Variants in DPP6 observed in about 807,000 individuals in gnomAD.
The protein encoded by DPP6 is dipeptidyl peptidase like 6.
DPP6 carries 69 observed loss-of-function variants against 122.6 expected under a neutral mutation model. The observed-to-expected ratio is 0.56, with a 90% CI of 0.46 to 0.69. The LOEUF (loss-of-function observed/expected upper bound fraction) is 0.69, where lower values mean the gene tolerates loss of function less well. Ranked by LOEUF, DPP6 falls within the 30% of genes least tolerant of loss-of-function variation. DPP6 has a pLI of 0.00. For synonymous variants in DPP6, 418 were observed against 433.1 expected, an observed-to-expected ratio of 0.97 and a Z score of 0.43; for missense variants, 928 against 1,116.9, an observed-to-expected ratio of 0.83 and a Z score of 2.41.
intron 1 of DPP6, among the ~76,000 whole-genome samples, chr7:154,227,053 G>A (rs1800646424): frequency 1.3e-5 from 2 of 152,130 alleles, no homozygotes; most frequent in African/African-American, 4.8e-5. Flanking sequence ...ATTACAATAT[G>A]TTCCAATAAT....
At chr7:154,448,578 C>T (rs1422050934) in intron 2 of DPP6, among the ~76,000 whole-genome samples, 1 of 152,112 alleles carries the variant, frequency 6.6e-6, no homozygotes, top group Non-Finnish European at 1.5e-5. Context: ...CAAGTTGATT[C>T]TGAAATTCAT....
At chr7:154,438,234 A>G (rs924350519) in intron 1 of DPP6, among the ~76,000 whole-genome samples, 22 of 152,058 alleles carry the variant, frequency 1.4e-4, no homozygotes, top group East Asian at 5.8e-4. Context: ...TTGGGAGGCC[A>G]AGGAGGGTGG....
At chr7:154,583,328 G>A (rs1329730926) in intron 5 of DPP6, among the ~76,000 whole-genome samples, 3 of 152,180 alleles carry the variant, frequency 2.0e-5, no homozygotes, top group African/African-American at 7.2e-5. Flanking sequence ...TTCGGTCTAT[G>A]TGCCAATCTC....
At chr7:154,205,077 T>C (rs181760713) in intron 1 of DPP6, among the ~76,000 whole-genome samples, 6 of 152,334 alleles carry the variant, frequency 3.9e-5, no homozygotes, top group African/African-American at 1.4e-4. Context: ...ATTGCTGATA[T>C]TATTTCTCTC....
intron 16 of DPP6, among the ~76,000 whole-genome samples, chr7:154,838,230 G>A (rs778882809): frequency 1.3e-5 from 2 of 152,222 alleles, no homozygotes; most frequent in Non-Finnish European, 2.9e-5. Flanking sequence ...AATGTTTTTA[G>A]ATTCACAGAA....
At chr7:154,745,268 GAGTCA>G (rs946382597) in intron 8 of DPP6, among the ~76,000 whole-genome samples, 19 of 152,172 alleles carry the variant, frequency 1.2e-4, no homozygotes, top group African/African-American at 4.1e-4. Flanking sequence ...ATCACACCTG[GAGTCA>G]AGTCAAGGCT....
intron 8 of DPP6, among the ~76,000 whole-genome samples, chr7:154,761,045 G>C (rs1389175313): frequency 6.6e-6 from 1 of 152,110 alleles, no homozygotes; most frequent in Admixed American, 6.5e-5. Flanking sequence ...ATGTTGACCA[G>C]GCTGGTCTCA....
At chr7:154,174,129 G>T (rs1585551550) in intron 1 of DPP6, among the ~76,000 whole-genome samples, 1 of 152,166 alleles carries the variant, frequency 6.6e-6, no homozygotes, top group Non-Finnish European at 1.5e-5. Flanking sequence ...GAGTGAGTTG[G>T]TTATGACCGG....
intron 16 of DPP6, among the ~76,000 whole-genome samples, chr7:154,822,095 T>C (rs1051005452): frequency 2.6e-5 from 4 of 152,102 alleles, no homozygotes; most frequent in Admixed American, 2.0e-4. Context: ...TCCCTGGGGC[T>C]CTGAGGGCAT....
the DPP6 span, among the ~76,000 whole-genome samples, chr7:153,764,927 ACT>A: frequency 1.3e-5 from 2 of 151,812 alleles, no homozygotes; most frequent in Non-Finnish European, 2.9e-5. Context: ...TGCTTGAAAG[ACT>A]CTCTGTTCTC....
At chr7:154,694,696 T>C (rs1840116864) in intron 7 of DPP6, among the ~76,000 whole-genome samples, 1 of 152,146 alleles carries the variant, frequency 6.6e-6, no homozygotes, top group Non-Finnish European at 1.5e-5. Context: ...CAATCCTTGA[T>C]GTAAGTGATG....
chr7:154,297,876 A>G (rs1805643745), intron 1 of DPP6, among the ~76,000 whole-genome samples: 2 of 152,122 alleles, frequency 1.3e-5, no homozygotes, highest in South Asian at 4.1e-4. Context: ...ACGCTGACAG[A>G]TGCTGCGACG....
At chr7:154,866,188 C>G (rs1803860860) in intron 17 of DPP6, among the ~76,000 whole-genome samples, 1 of 152,202 alleles carries the variant, frequency 6.6e-6, no homozygotes, top group Admixed American at 6.5e-5. Flanking sequence ...TTGGGAAATG[C>G]TGTTCTCTTC....
intron 3 of DPP6, among the ~76,000 whole-genome samples, chr7:154,520,427 A>G (rs1021323033): frequency 6.6e-6 from 1 of 152,268 alleles, no homozygotes; most frequent in South Asian, 2.1e-4. Context: ...TCTGCTTTAG[A>G]GGTTGCACTG....
Position 154,892,823 on chromosome 7 carries a change from T to G in DPP6, c.*343T>G. ...AGCCCACAGGACACCGGCCCCTAGA[T>G]TCCAGCCACCAAGCGGAAGCATGAG... On this transcript the variant is annotated 3_prime_UTR_variant, in exon 26 of 26. Transcript: ENST00000377770. The G allele has an allele frequency of 1.8e-6, 1 of 554,336 alleles. No individual in the cohort carries two copies. Among genetic ancestry groups the G allele is most frequent in the Non-Finnish European group, 3.5e-6 (1 of 283,766 alleles). The allele number at this position is 554,336 out of a possible 1,614,324, so 34.3% of individuals were successfully genotyped here. A position where few individuals can be genotyped will look rare whatever the true frequency, so the allele number is the denominator to read the frequency against.
At chr7:154,660,081 A>G (rs372772570) in intron 6 of DPP6, among the ~76,000 whole-genome samples, 4 of 152,190 alleles carry the variant, frequency 2.6e-5, no homozygotes, top group East Asian at 3.8e-4. Flanking sequence ...TGGTGAGGGA[A>G]GGGAAATGCA....
rs1425680410 is a variant in DPP6 at position 153,915,758 on chromosome 7, G to A, written c.51+28024G>A. On this transcript the variant is annotated intron_variant, in intron 1 of 25. Coordinates refer to the DPP6 transcript ENST00000404039. ...ATCCCATGCTGCATGGGTGTGAAAG[G>A]TTCTGATGCTACTCTTTGTATTTTT... 2.0e-5 allele frequency among the ~76,000 whole-genome samples: 3 copies of A among 152,110 alleles called. No individual in the cohort carries two copies. In the South Asian group the frequency reaches 6.2e-4, roughly 31 times the overall value.
intron 1 of DPP6, among the ~76,000 whole-genome samples, chr7:154,299,792 C>G (rs1805783714): frequency 6.6e-6 from 1 of 152,178 alleles, no homozygotes; most frequent in Non-Finnish European, 1.5e-5. Flanking sequence ...TAAACACTTG[C>G]TGATTAAATG....
At chr7:154,841,356 A>G (rs1801529439) in intron 16 of DPP6, among the ~76,000 whole-genome samples, 1 of 138,604 alleles carries the variant, frequency 7.2e-6, no homozygotes, top group East Asian at 2.1e-4. Flanking sequence ...GCCCCCCTGT[A>G]GCCTTTGCCC....
Sources: gnomAD v4.1 joint callset for allele counts (sites outside exome capture counted in the v4.1 genomes callset) on GRCh38, gnomAD v4.1.1 for gene constraint, MANE v1.5 for transcripts, NCBI Gene and HGNC (gene_info 2026-07-23, HGNC 2026-07-21) for gene names.